The following SSR2 variants were observed in gnomAD, a reference collection of about 807,000 sequenced individuals.
SSR2 encodes signal sequence receptor subunit 2, also known as translocon-associated protein subunit beta.
Under a neutral mutation model 22.6 loss-of-function variants are expected in SSR2, and 16 were observed. The observed-to-expected ratio is 0.71, with a 90% CI of 0.48 to 1.08. The LOEUF (loss-of-function observed/expected upper bound fraction) is 1.08, where lower values mean the gene tolerates loss of function less well. Among genes scored for constraint, SSR2 ranks in the 50% least tolerant of loss-of-function variants. SSR2 has a pLI of 0.00. For missense variants in SSR2, 171 were observed against 221.6 expected, an observed-to-expected ratio of 0.77 and a Z score of 1.45; for synonymous variants, 83 against 91.2, an observed-to-expected ratio of 0.91 and a Z score of 0.51.
At chr1:156,018,470 G>C in intron 2 of SSR2, 102 bp from the exon 3 acceptor site, 1 of 748,982 alleles carries the variant, frequency 1.3e-6, no homozygotes, top group Non-Finnish European at 2.2e-6. Context: ...ACTTTTGGGA[G>C]GCCGAGGTGG....
Position 156,019,993 on chromosome 1 carries a change from ACT to A in SSR2, c.155+18_155+19del. On this transcript the variant is annotated intron_variant, in intron 2 of 5. Transcript: ENST00000295702. Reference sequence around the variant, plus strand: ...AATCCAGAAATAGGCTTAATCTGTAACTCTAGGGCCTCGAGTTACCTTGAGCC... The same window carrying A: ...AATCCAGAAATAGGCTTAATCTGTAACTAGGGCCTCGAGTTACCTTGAGCC... 6.2e-7 allele frequency: 1 copy of A among 1,605,692 alleles called. No individual in the cohort carries two copies. Among genetic ancestry groups the A allele is most frequent in the Non-Finnish European group, 8.5e-7 (1 of 1,174,896 alleles).
intron 3 of SSR2, among the ~76,000 whole-genome samples, chr1:156,015,638 G>C (rs1395912501): frequency 1.4e-5 from 2 of 143,846 alleles, no homozygotes; most frequent in Non-Finnish European, 3.0e-5. Context: ...TTGTTGCCCA[G>C]GCTGGTCTCA....
At chr1:156,017,097 A>G (rs1179588613) in intron 3 of SSR2, among the ~76,000 whole-genome samples, 2 of 152,240 alleles carry the variant, frequency 1.3e-5, no homozygotes, top group East Asian at 3.9e-4. Context: ...CCAAGGCTGG[A>G]GTACAGCAGC....
At chr1:156,018,928 G>A (rs138043078) in intron 2 of SSR2, among the ~76,000 whole-genome samples, 3 of 152,170 alleles carry the variant, frequency 2.0e-5, no homozygotes, top group East Asian at 1.9e-4. Context: ...CCAGCTACTC[G>A]GGAGGCTGAG....
In SSR2 at chr1:156,018,305, A is replaced by G; in HGVS notation, c.219T>C (p.Ser73=). Reference sequence around the variant, plus strand: ...GGTCCCATTTGACATTGAGCATTCCAGACACAATGCCAAAGTCTTCTGGAG... The same window carrying G: ...GGTCCCATTTGACATTGAGCATTCCGGACACAATGCCAAAGTCTTCTGGAG... ...SFPPEDFGIV[S]GMLNVKWDRI... is the part of the protein sequence containing the mutation. Residue 73 remains serine (S), a synonymous_variant, in exon 3 of 6, where the codon TCT becomes TCC. Coordinates refer to ENST00000295702, the MANE Select transcript of SSR2 (RefSeq NM_003145.4). The G allele has an allele frequency of 6.2e-7, 1 of 1,614,080 alleles. No homozygotes were observed. The highest frequency in any genetic ancestry group is 8.5e-7 in the Non-Finnish European group (1 of 1,179,934).
At chr1:156,020,314 A>G in intron 1 of SSR2, 147 bp from the exon 2 acceptor site, 2 of 762,642 alleles carry the variant, frequency 2.6e-6, no homozygotes, top group Non-Finnish European at 4.1e-6. Flanking sequence ...ACCAGAGCAG[A>G]CCCGTTCTCC....
At chr1:156,014,047 G>A (rs1273783092) in intron 4 of SSR2, 2 of 152,142 alleles carry the variant, frequency 1.3e-5, no homozygotes, top group Non-Finnish European at 2.9e-5. Flanking sequence ...GAATTTAGTA[G>A]CTACTGTGTA....
Position 156,015,015 on chromosome 1 carries a change from G to A in SSR2, c.309C>T (p.Phe103=). The part of the protein sequence containing the change: ...VVLRPLKAGY[F]NFTSATITYL... ...AAGTAATTGTTGCCGAGGTGAAGTT[G>A]AAATAACCAGCCTTGAGAGGGCGCA... is the stretch of plus-strand genomic sequence containing the variant. The change falls in exon 4 of 6, where the codon TTC becomes TTT. Residue 103 remains phenylalanine, a synonymous_variant. Coordinates refer to ENST00000295702, the MANE Select transcript of SSR2 (RefSeq NM_003145.4). 1 of 1,614,030 alleles carries A rather than the reference G, an allele frequency of 6.2e-7. No individual in the cohort carries two copies. The highest frequency in any genetic ancestry group is 8.5e-7 in the Non-Finnish European group (1 of 1,179,948).
intron 3 of SSR2, 97 bp downstream of exon 3, chr1:156,018,173 G>A: frequency 1.2e-6 from 1 of 854,496 alleles, no homozygotes; most frequent in East Asian, 2.5e-5. Context: ...CAGGAGGACA[G>A]CCACACATAT....
chr1:156,019,947 T>C lies in SSR2; in HGVS notation c.155+66A>G, dbSNP rs894550890. The C allele has an allele frequency of 2.6e-6, 4 of 1,564,398 alleles. No individual in the cohort carries two copies. In the African/African-American group the frequency reaches 4.1e-5, roughly 16 times the overall value. On this transcript the variant is annotated intron_variant, in intron 2 of 5. Transcript: ENST00000295702. Reference sequence around the variant, plus strand: ...AACCACTACCCACCAATATGCTCCCTATTCCCATCTGAAAACTAAGAATCC... The same window carrying C: ...AACCACTACCCACCAATATGCTCCCCATTCCCATCTGAAAACTAAGAATCC...
At chr1:156,018,696 GACTCTGTCTCAA>G (rs1438406782) in intron 2 of SSR2, among the ~76,000 whole-genome samples, 1 of 151,570 alleles carries the variant, frequency 6.6e-6, no homozygotes, top group Non-Finnish European at 1.5e-5. Context: ...GACAGAGCGA[GACTCTGTCTCAA>G]ACAAACAAAA....
chr1:156,017,538 C>T (rs1683075077), intron 3 of SSR2, among the ~76,000 whole-genome samples: 1 of 151,510 alleles, frequency 6.6e-6, no homozygotes, highest in South Asian at 2.1e-4. Context: ...TTAGTAGAGA[C>T]GGGGTTTCAC....
intron 3 of SSR2, among the ~76,000 whole-genome samples, chr1:156,015,535 AATATATATAT>A (rs1553254277): frequency 1.5e-3 from 71 of 46,776 alleles, no homozygotes; most frequent in African/African-American, 5.6e-3. Flanking sequence ...AAAAAAAAAA[AATATATATAT>A]ATATATATAT....
intron 2 of SSR2, among the ~76,000 whole-genome samples, chr1:156,019,433 G>C (rs1283117606): frequency 6.6e-6 from 1 of 152,066 alleles, no homozygotes; most frequent in Non-Finnish European, 1.5e-5. Context: ...GCTCAGGCTG[G>C]AGTGCAGTGG....
At position 156,016,335 on chromosome 1, in the gene SSR2, A is replaced by C. The variant is rs1683055594; in HGVS notation, c.255-1266T>G. 3.3e-5 allele frequency among the ~76,000 whole-genome samples: 5 copies of C among 151,522 alleles called. No individual in the cohort carries two copies. The South Asian group carries it at 1.0e-3, about 32-fold the overall frequency. ...TGCAAGCTCCGCCTCCTGGGTTCAC[A>C]CCATTCTCCTGCCTCAGCCTCCAGA... On this transcript the variant is annotated intron_variant, in intron 3 of 5. Coordinates refer to ENST00000295702, the MANE Select transcript of SSR2 (RefSeq NM_003145.4).
chr1:156,014,525 G>T (rs1683023232), intron 4 of SSR2: 1 of 156,330 alleles, frequency 6.4e-6, no homozygotes, highest in South Asian at 1.9e-4. Flanking sequence ...CGAACACTAG[G>T]TCTTATTCTT....
chr1:156,016,247 TTTTTTTTTGA>T (rs1683053586), intron 3 of SSR2, among the ~76,000 whole-genome samples: 2 of 150,242 alleles, frequency 1.3e-5, no homozygotes, highest in African/African-American at 5.0e-5. Context: ...TTTTTTTTTG[TTTTTTTTTGA>T]CAGTCTCGCT....
In SSR2 at chr1:156,020,025, T is replaced by C. The variant is rs1402453236; in HGVS notation, c.143A>G (p.Asn48Ser). The change falls in exon 2 of 6, where the codon AAT (asparagine) becomes AGT (serine). Residue 48 changes from asparagine to serine, a missense_variant. Asn to Ser is a conservative substitution (Grantham distance 46). Transcript: ENST00000295702. ...RDLTLQYNIY[N>S]VGSSAALDVE... ...GGCCTCGAGTTACCTTGAGCCAACA[T>C]TGTAGATGTTGTACTGCAAGGTCAG... 1 of 1,613,712 alleles carries C rather than the reference T, an allele frequency of 6.2e-7. No individual in the cohort carries two copies. Among genetic ancestry groups the C allele is most frequent in the Non-Finnish European group, 8.5e-7 (1 of 1,179,782 alleles).
intron 4 of SSR2, 78 bp downstream of exon 4, chr1:156,014,883 C>A: frequency 1.7e-6 from 2 of 1,173,976 alleles, no homozygotes; most frequent in East Asian, 4.9e-5. Context: ...CTCTTCATCC[C>A]CCTCTTACCC....
Sources: allele counts gnomAD v4.1 joint callset (sites outside exome capture counted in the v4.1 genomes callset), GRCh38; gene constraint gnomAD v4.1.1; transcripts MANE v1.5; gene names NCBI Gene and HGNC (gene_info 2026-07-23, HGNC 2026-07-21).